The following NRCAM variants were observed in gnomAD, a reference collection of about 807,000 sequenced individuals.
NRCAM encodes NgCAM-related cell adhesion molecule.
Under a neutral mutation model 156.5 loss-of-function variants are expected in NRCAM, and 83 were observed. The ratio of observed to expected loss-of-function variants is 0.53; its 90% CI spans 0.44 to 0.64. The LOEUF is 0.64. Among genes scored for constraint, NRCAM ranks in the 30% least tolerant of loss-of-function variants. The pLI is 0.00. For missense variants in NRCAM, 1,417 were observed against 1,597.3 expected, an observed-to-expected ratio of 0.89 and a Z score of 1.92; for synonymous variants, 538 against 563.9, an observed-to-expected ratio of 0.95 and a Z score of 0.65.
chr7:108,224,045 G>C (rs2092939945), intron 10 of NRCAM, among the ~76,000 whole-genome samples: 1 of 152,032 alleles, frequency 6.6e-6, no homozygotes, highest in Non-Finnish European at 1.5e-5. Flanking sequence ...AAACAATTTT[G>C]GTGGCATAAG....
chr7:108,266,748 G>A, intron 3 of NRCAM, among the ~76,000 whole-genome samples: 1 of 152,134 alleles, frequency 6.6e-6, no homozygotes, highest in Middle Eastern at 3.2e-3. Context: ...CAGGTCTCCT[G>A]CCATCTGATC....
intron 2 of NRCAM, among the ~76,000 whole-genome samples, chr7:108,357,334 C>CT (rs35117899): frequency 0.21 from 30,152 of 141,558 alleles, 3,589 homozygotes; most frequent in East Asian, 0.45. Flanking sequence ...GTGGGGCCAA[C>CT]TTTTTTTTTT....
chr7:108,363,936 T>C (rs1265860032), intron 2 of NRCAM, among the ~76,000 whole-genome samples: 1 of 152,022 alleles, frequency 6.6e-6, no homozygotes, highest in Non-Finnish European at 1.5e-5. Flanking sequence ...TAAAATGTAA[T>C]ATGGTATCCT....
chr7:108,214,034 C>G (rs1025585620), intron 11 of NRCAM, among the ~76,000 whole-genome samples: 4 of 152,172 alleles, frequency 2.6e-5, no homozygotes, highest in African/African-American at 9.7e-5. Context: ...CAATGTTCAT[C>G]AGGGATATTG....
chr7:108,299,044 T>G (rs1365955878), intron 3 of NRCAM, among the ~76,000 whole-genome samples: 2 of 133,296 alleles, frequency 1.5e-5, no homozygotes, highest in African/African-American at 5.6e-5. Flanking sequence ...AGGCAGAGTT[T>G]GCAGTGAACC....
chr7:108,314,747 A>G (rs1483608559), intron 2 of NRCAM, among the ~76,000 whole-genome samples: 1 of 152,202 alleles, frequency 6.6e-6, no homozygotes, highest in African/African-American at 2.4e-5. Context: ...TTGGCAGAGA[A>G]AGAGTTGTTT....
chr7:108,159,749 C>T (rs1247359252), intron 31 of NRCAM, among the ~76,000 whole-genome samples: 4 of 152,118 alleles, frequency 2.6e-5, no homozygotes, highest in Admixed American at 2.0e-4. Context: ...TTTTTTAACA[C>T]ATAAAGTTGA....
chr7:108,350,734 T>G (rs1258070782), intron 2 of NRCAM, among the ~76,000 whole-genome samples: 1 of 152,218 alleles, frequency 6.6e-6, no homozygotes, highest in Non-Finnish European at 1.5e-5. Context: ...CTTAACTTAT[T>G]GTTTTTCTTT....
At chr7:108,366,508 T>C (rs2099592630) in intron 2 of NRCAM, among the ~76,000 whole-genome samples, 1 of 152,236 alleles carries the variant, frequency 6.6e-6, no homozygotes, top group Admixed American at 6.5e-5. Context: ...CCACATCAGA[T>C]AACTTGAATT....
At chr7:108,310,286 G>C (rs572558949) in intron 3 of NRCAM, among the ~76,000 whole-genome samples, 1 of 152,164 alleles carries the variant, frequency 6.6e-6, no homozygotes, top group Non-Finnish European at 1.5e-5. Context: ...TGATTTCAGA[G>C]GTATCCTCTC....
intron 2 of NRCAM, 51 bp from the exon 3 acceptor site, chr7:108,312,782 A>G (rs867273004): frequency 1.1e-4 from 16 of 152,200 alleles, no homozygotes; most frequent in African/African-American, 3.1e-4. Flanking sequence ...ATTGTCATCA[A>G]TCACAGCAGA....
chr7:108,394,089 C>T (rs2099770040), intron 2 of NRCAM, among the ~76,000 whole-genome samples: 1 of 152,178 alleles, frequency 6.6e-6, no homozygotes, highest in African/African-American at 2.4e-5. Flanking sequence ...GAGTCAAGAG[C>T]CTTTGTGTTC....
At chr7:108,156,329 G>C (rs2045465439) in intron 32 of NRCAM, 1 of 984,962 alleles carries the variant, frequency 1.0e-6, no homozygotes, top group Non-Finnish European at 1.2e-6. Context: ...TATGGTTTAT[G>C]ACCTAGGTTT....
intron 2 of NRCAM, among the ~76,000 whole-genome samples, chr7:108,393,253 G>A (rs1429026660): frequency 3.3e-5 from 5 of 152,128 alleles, no homozygotes; most frequent in Non-Finnish European, 4.4e-5. Flanking sequence ...ATCTACTCAA[G>A]CCTCAGTAAT....
intron 11 of NRCAM, among the ~76,000 whole-genome samples, chr7:108,221,042 A>C (rs1233942700): frequency 2.0e-5 from 3 of 152,238 alleles, no homozygotes; most frequent in African/African-American, 4.8e-5. Context: ...GGCTAAGGAC[A>C]TGAATAGACA....
In NRCAM at chr7:108,289,518, A is replaced by G. The variant is rs115902064; in HGVS notation, c.-107+23147T>C. On this transcript the variant is annotated intron_variant, in intron 3 of 32. Coordinates refer to ENST00000379028, the MANE Select transcript of NRCAM (RefSeq NM_001037132.4). ...TCTAGCTAAAATTTTGTAAATTTTGACTAACATCTGTTTATAAGCTTTTTA... is the reference window on the plus strand; with the variant it reads ...TCTAGCTAAAATTTTGTAAATTTTGGCTAACATCTGTTTATAAGCTTTTTA... 5.7e-3 allele frequency among the ~76,000 whole-genome samples: 864 copies of G among 152,292 alleles called. 11 individuals carry two copies. Among genetic ancestry groups the G allele is most frequent in the African/African-American group, 0.02 (817 of 41,570 alleles).
At chr7:108,334,519 T>G (rs1053611259) in intron 2 of NRCAM, among the ~76,000 whole-genome samples, 7 of 152,220 alleles carry the variant, frequency 4.6e-5, no homozygotes, top group African/African-American at 1.7e-4. Flanking sequence ...TTCCACCTGT[T>G]TTCTCTGTTT....
chr7:108,268,537 C>G (rs1010903014), intron 3 of NRCAM, among the ~76,000 whole-genome samples: 25 of 147,178 alleles, frequency 1.7e-4, no homozygotes, highest in Admixed American at 7.9e-4. Context: ...CTGAAAGTGC[C>G]TAAAAGATGT....
chr7:108,447,552 G>A (rs1413936205), intron 1 of NRCAM, among the ~76,000 whole-genome samples: 1 of 150,832 alleles, frequency 6.6e-6, no homozygotes, highest in Non-Finnish European at 1.5e-5. Flanking sequence ...CTACAGGTGT[G>A]AGCCACTGCG....
Sources: gnomAD v4.1 joint callset for allele counts (sites outside exome capture counted in the v4.1 genomes callset) on GRCh38, gnomAD v4.1.1 for gene constraint, MANE v1.5 for transcripts, NCBI Gene and HGNC (gene_info 2026-07-23, HGNC 2026-07-21) for gene names.